Variants in FAM184B observed in about 807,000 individuals in gnomAD.
The protein encoded by FAM184B is family with sequence similarity 184 member B, also known as protein FAM184B.
A neutral mutation model predicts 135.9 loss-of-function variants in FAM184B; 111 were observed. The ratio of observed to expected loss-of-function variants is 0.82; its 90% CI spans 0.70 to 0.96. The LOEUF (loss-of-function observed/expected upper bound fraction) is 0.96, where lower values mean the gene tolerates loss of function less well. Among genes scored for constraint, FAM184B ranks in the 40% least tolerant of loss-of-function variants. The pLI, the probability that FAM184B is intolerant of heterozygous loss-of-function variation, is 0.00. For missense variants in FAM184B, 1,375 were observed against 1,323.9 expected, an observed-to-expected ratio of 1.04 and a Z score of -0.60; for synonymous variants, 552 against 524.8, an observed-to-expected ratio of 1.05 and a Z score of -0.71.
rs150138649 is a variant in FAM184B at position 17,701,747 on chromosome 4, C to T, written c.1377+3253G>A. On this transcript the variant is annotated intron_variant, in intron 5 of 17. Transcript: ENST00000265018. ...CAGGGCCAGCTGTTCTAGAGCTGTA[C>T]TGACCAACCGAACTTTCTGTGATGA... Among the ~76,000 whole-genome samples the T allele has an allele frequency of 9.9e-4, 151 of 152,328 alleles. 1 individual carries two copies. The highest frequency in any genetic ancestry group is 3.3e-3 in the African/African-American group (138 of 41,588).
Position 17,770,762 on chromosome 4 carries a change from G to A in FAM184B, c.141+10397C>T, listed in dbSNP as rs367862012. Reference sequence around the variant, plus strand: ...ATTACAGGCGTGAGCCACCGCGCCCGGCCAGAACTAGATTTTAACAGGAGA... The same window carrying A: ...ATTACAGGCGTGAGCCACCGCGCCCAGCCAGAACTAGATTTTAACAGGAGA... On this transcript the variant is annotated intron_variant, in intron 1 of 17. Transcript: ENST00000265018. Among the ~76,000 whole-genome samples the A allele has an allele frequency of 1.9e-4, 29 of 152,234 alleles. No homozygotes were observed. In the East Asian group the frequency reaches 3.9e-3, roughly 20 times the overall value.
chr4:17,706,792 AT>A (rs138248508), intron 3 of FAM184B, among the ~76,000 whole-genome samples: 6,235 of 150,164 alleles, frequency 0.042, 294 homozygotes, highest in African/African-American at 0.11. Flanking sequence ...ATTTAATTTA[AT>A]TTTTTTTTTG....
At chr4:17,652,788 G>T (rs1225340997) in intron 11 of FAM184B, 42 bp downstream of exon 11, 1 of 1,527,186 alleles carries the variant, frequency 6.5e-7, no homozygotes, top group South Asian at 1.2e-5. Flanking sequence ...TGCAGACCCT[G>T]CAGTTGGCCA....
intron 9 of FAM184B, 129 bp from the exon 10 acceptor site, chr4:17,658,691 G>T (rs1047994502): frequency 1.1e-6 from 1 of 891,464 alleles, no homozygotes; most frequent in Non-Finnish European, 1.7e-6. Context: ...ACTCTGAAGG[G>T]ATGGAAGCTG....
chr4:17,719,057 C>T (rs749054463), intron 1 of FAM184B, among the ~76,000 whole-genome samples: 6 of 152,122 alleles, frequency 3.9e-5, no homozygotes, highest in Non-Finnish European at 5.9e-5. Context: ...TTTTCCTATA[C>T]GTATGTACAT....
intron 1 of FAM184B, among the ~76,000 whole-genome samples, chr4:17,715,872 G>A (rs186519798): frequency 6.6e-5 from 10 of 152,216 alleles, no homozygotes; most frequent in East Asian, 1.9e-4. Context: ...TCTGAGAGCC[G>A]TTAAGTCATT....
At chr4:17,761,496 G>A (rs572820302) in intron 1 of FAM184B, among the ~76,000 whole-genome samples, 1 of 152,166 alleles carries the variant, frequency 6.6e-6, no homozygotes, top group Non-Finnish European at 1.5e-5. Context: ...TCTTCACCAG[G>A]CTCTCCAACC....
At chr4:17,773,191 G>C (rs925808644) in intron 1 of FAM184B, among the ~76,000 whole-genome samples, 1 of 152,102 alleles carries the variant, frequency 6.6e-6, no homozygotes, top group Non-Finnish European at 1.5e-5. Flanking sequence ...TTCTCAATTA[G>C]AGATGGTTCT....
At chr4:17,735,374 T>C (rs1372205386) in intron 1 of FAM184B, among the ~76,000 whole-genome samples, 1 of 151,986 alleles carries the variant, frequency 6.6e-6, no homozygotes, top group African/African-American at 2.4e-5. Flanking sequence ...AGTTCGATTA[T>C]AAAAAAAATT....
At chr4:17,758,894 T>G (rs186722901) in intron 1 of FAM184B, among the ~76,000 whole-genome samples, 2 of 151,914 alleles carry the variant, frequency 1.3e-5, no homozygotes, top group Admixed American at 1.3e-4. Flanking sequence ...CCAAGTAAGC[T>G]TAACACAAAT....
rs1294216625 is a variant in FAM184B at position 17,658,355 on chromosome 4, G to A, written c.2032C>T (p.Leu678Phe). Reference protein sequence around the residue: ...RMLEKARHQELKATEERLKKE... With the variant: ...RMLEKARHQEFKATEERLKKE... ...CGGCACAGTCATTCCCTCACCTTGAGTTCCTGATGTCTGGCCTTCTCCAGC... is the reference window on the plus strand; with the variant it reads ...CGGCACAGTCATTCCCTCACCTTGAATTCCTGATGTCTGGCCTTCTCCAGC... Residue 678 changes from leucine (L) to phenylalanine (F), a missense_variant, in exon 10 of 18, where the codon CTC becomes TTC. Transcript: ENST00000265018. The A allele has an allele frequency of 3.9e-6, 6 of 1,551,598 alleles. No homozygotes were observed. The Admixed American group carries it at 5.9e-5, about 15-fold the overall frequency.
chr4:17,781,111 C>G lies in FAM184B; in HGVS notation c.141+48G>C, dbSNP rs755400825. Reference sequence around the variant, plus strand: ...GGCGCATCCGCACTGACTCCCGGCTCGGGCGCCCCGGGCGTGCAGCTCGCT... The same window carrying G: ...GGCGCATCCGCACTGACTCCCGGCTGGGGCGCCCCGGGCGTGCAGCTCGCT... On this transcript the variant is annotated intron_variant, in intron 1 of 17. Transcript: ENST00000265018. The surrounding 1 kb of genome is among the most constrained non-coding windows in gnomAD (Gnocchi z 6.5). 6.8e-7 allele frequency: 1 copy of G among 1,465,872 alleles called. No homozygotes were observed. The highest frequency in any genetic ancestry group is 9.0e-7 in the Non-Finnish European group (1 of 1,107,050). The allele number at this position is 1,465,872 out of a possible 1,614,324, so 90.8% of individuals were successfully genotyped here.
chr4:17,692,759 G>T lies in FAM184B; in HGVS notation c.1488+543C>A, dbSNP rs558297886. 8.5e-4 allele frequency among the ~76,000 whole-genome samples: 130 copies of T among 152,050 alleles called. 1 individual carries two copies. Among genetic ancestry groups the T allele is most frequent in the African/African-American group, 2.9e-3 (122 of 41,500 alleles). Reference sequence around the variant, plus strand: ...GAAGGAAACTTGTTGACATTTTTTTGGTTTAAGCAGGCTCAGAAATGGCTC... The same window carrying T: ...GAAGGAAACTTGTTGACATTTTTTTTGTTTAAGCAGGCTCAGAAATGGCTC... On this transcript the variant is annotated intron_variant, in intron 6 of 17. Coordinates refer to ENST00000265018, the MANE Select transcript of FAM184B (RefSeq NM_015688.2).
At chr4:17,708,691 A>ATATC (rs1440464847) in intron 2 of FAM184B, among the ~76,000 whole-genome samples, 1 of 49,800 alleles carries the variant, frequency 2.0e-5, no homozygotes, top group Non-Finnish European at 3.6e-5. Context: ...ATATATATAT[A>ATATC]TATATATATA....
At chr4:17,665,115 G>A (rs935393156) in intron 7 of FAM184B, among the ~76,000 whole-genome samples, 4 of 152,160 alleles carry the variant, frequency 2.6e-5, no homozygotes, top group African/African-American at 9.7e-5. Flanking sequence ...GGGCTGTTGT[G>A]AGGACCTGAG....
intron 1 of FAM184B, among the ~76,000 whole-genome samples, chr4:17,729,632 G>C (rs1355760105): frequency 6.6e-6 from 1 of 152,250 alleles, no homozygotes; most frequent in African/African-American, 2.4e-5. Context: ...TGCAGCCACT[G>C]CTGCTGATAC....
intron 1 of FAM184B, among the ~76,000 whole-genome samples, chr4:17,766,055 G>A (rs555924380): frequency 2.2e-4 from 34 of 152,324 alleles, no homozygotes; most frequent in African/African-American, 7.2e-4. Context: ...AGCTCATAAA[G>A]GAAGTGCAGG....
chr4:17,632,569 GGA>G lies in FAM184B; in HGVS notation c.3144_3145del (p.Pro1049AlafsTer14). ...GTACTTGGTGAACCATTCCTGGTGC[GGA>G]GAGCCCTGTTTCTGCTGGACTTCTT... On this transcript the variant is annotated frameshift_variant, in exon 18 of 18. Coordinates refer to ENST00000265018, the MANE Select transcript of FAM184B (RefSeq NM_015688.2). LOFTEE classifies it high-confidence loss of function. 2 of 1,551,366 alleles carry G rather than the reference GGA, an allele frequency of 1.3e-6. No individual in the cohort carries two copies. Among genetic ancestry groups the G allele is most frequent in the Non-Finnish European group, 1.7e-6 (2 of 1,146,792 alleles).
chr4:17,671,227 C>T (rs914877720), intron 7 of FAM184B, among the ~76,000 whole-genome samples: 1 of 152,236 alleles, frequency 6.6e-6, no homozygotes, highest in South Asian at 2.1e-4. Flanking sequence ...AGACCCCCTA[C>T]ACCAGCTTCA....
Sources: gnomAD v4.1 joint callset for allele counts (sites outside exome capture counted in the v4.1 genomes callset) on GRCh38, gnomAD v4.1.1 for gene constraint, Gnocchi (gnomAD v3.1) non-coding constraint, MANE v1.5 for transcripts, NCBI Gene and HGNC (gene_info 2026-07-23, HGNC 2026-07-21) for gene names.